SYNE2: variants seen among roughly 807,000 people sequenced by gnomAD.
SYNE2 encodes nesprin-2.
A neutral mutation model predicts 856.3 loss-of-function variants in SYNE2; 431 were observed. The ratio of observed to expected loss-of-function variants is 0.50; its 90% confidence interval spans 0.47 to 0.55. The LOEUF (loss-of-function observed/expected upper bound fraction) is 0.55, where lower values mean the gene tolerates loss of function less well. Among genes scored for constraint, SYNE2 ranks in the 20% least tolerant of loss-of-function variants. The pLI is 0.00. For missense variants in SYNE2, 8,129 were observed against 8,023.2 expected (o/e 1.01, Z -0.50); for synonymous variants, 2,923 against 2,872.3 (o/e 1.02, Z -0.56).
At chr14:63,961,323 C>G (rs1002792579) in intron 8 of SYNE2, among the ~76,000 whole-genome samples, 1 of 152,240 alleles carries the variant, frequency 6.6e-6, no homozygotes, top group African/African-American at 2.4e-5. Flanking sequence ...ACCCAGATCT[C>G]TCTGAGTATA....
intron 1 of SYNE2, among the ~76,000 whole-genome samples, chr14:63,853,539 T>C (rs1200661821): frequency 4.0e-5 from 6 of 151,552 alleles, no homozygotes; most frequent in African/African-American, 1.5e-4. Flanking sequence ...GCCCCGGCCC[T>C]CGGGGGCCGC....
rs118030414 is a variant in SYNE2, at chr14:64,171,774, G to A, written c.17235+1312G>A. On this transcript the variant is annotated intron_variant, in intron 94 of 115. Coordinates refer to ENST00000555002, the MANE Select transcript of SYNE2 (RefSeq NM_182914.3). Reference sequence around the variant, plus strand: ...GTTTTGCAGGTTGGGTGTGGCAGCTGGATTACCTGGTCTGGCTGGAACCAG... The same window carrying A: ...GTTTTGCAGGTTGGGTGTGGCAGCTAGATTACCTGGTCTGGCTGGAACCAG... Among the ~76,000 whole-genome samples the A allele has an allele frequency of 5.7e-3, 867 of 152,324 alleles. 2 individuals are homozygous for A. Among genetic ancestry groups the A allele is most frequent in the Non-Finnish European group, 9.1e-3 (617 of 68,024 alleles).
chr14:64,075,786 T>G, intron 53 of SYNE2, 159 bp from the exon 54 acceptor site: 1 of 691,882 alleles, frequency 1.4e-6, no homozygotes, highest in Non-Finnish European at 2.5e-6. Flanking sequence ...CTAAACTGAG[T>G]GTCTCTGGGG....
At chr14:64,136,745 ACC>A (rs1165406363) in intron 78 of SYNE2, among the ~76,000 whole-genome samples, 1 of 152,082 alleles carries the variant, frequency 6.6e-6, no homozygotes, top group Non-Finnish European at 1.5e-5. Flanking sequence ...TCAGTAGAAG[ACC>A]CTGGAAATGA....
intron 1 of SYNE2, among the ~76,000 whole-genome samples, chr14:63,873,057 T>C (rs1791283526): frequency 6.6e-6 from 1 of 152,236 alleles, no homozygotes; most frequent in African/African-American, 2.4e-5. Flanking sequence ...TCGTTTTGAT[T>C]TGTAGGTGTA....
rs567254378 is a variant in SYNE2, at chr14:64,029,314, C to T, written c.6715-581C>T. 2.0e-3 allele frequency among the ~76,000 whole-genome samples: 298 copies of T among 152,252 alleles called. 15 individuals are homozygous for T. The South Asian group carries it at 0.059, about 30-fold the overall frequency. ...GGGCAGGGGTTAAGATAGACCTGTT[C>T]TTCTGTAAATTGTTTAATTTAGTAG... On this transcript the variant is annotated intron_variant, in intron 43 of 115. Coordinates refer to ENST00000555002, the MANE Select transcript of SYNE2 (RefSeq NM_182914.3).
At chr14:63,856,848 T>C (rs1375411455) in intron 1 of SYNE2, among the ~76,000 whole-genome samples, 4 of 152,192 alleles carry the variant, frequency 2.6e-5, no homozygotes, top group Non-Finnish European at 5.9e-5. Flanking sequence ...CATGGCTCAC[T>C]GTAGCCTCTA....
At position 64,220,642 on chromosome 14, in the gene SYNE2, G is replaced by A. The variant is rs774599138; in HGVS notation, c.20061+5G>A. ...CAGTCGCTCATGCAGTGCCAGGTAC[G>A]CTGACTCAGCAGCCCGCCTCCCAGA... On this transcript the variant is annotated splice_donor_5th_base_variant and intron_variant, in intron 111 of 115. Coordinates refer to ENST00000555002, the MANE Select transcript of SYNE2 (RefSeq NM_182914.3). The A allele has an allele frequency of 1.3e-5, 21 of 1,613,210 alleles. 1 individual carries two copies. Among genetic ancestry groups the A allele is most frequent in the Admixed American group, 8.3e-5 (5 of 59,992 alleles).
intron 1 of SYNE2, among the ~76,000 whole-genome samples, chr14:63,887,550 C>T (rs887638069): frequency 3.9e-5 from 6 of 152,094 alleles, no homozygotes; most frequent in African/African-American, 1.4e-4. Flanking sequence ...CAACCCTCAC[C>T]CTGGCCTTAC....
At chr14:64,224,926 ATTTTT>A in intron 114 of SYNE2, 68 bp from the exon 115 acceptor site, 2 of 1,276,592 alleles carry the variant, frequency 1.6e-6, no homozygotes, top group Non-Finnish European at 1.1e-6. Context: ...TTAAGGGAGG[ATTTTT>A]TTTTTTTTTA....
intron 109 of SYNE2, 91 bp from the exon 110 acceptor site, chr14:64,219,117 T>G (rs2098681900): frequency 1.0e-6 from 1 of 975,786 alleles, no homozygotes; most frequent in East Asian, 3.3e-5. Flanking sequence ...TTTTTTTTTT[T>G]TTTTTTTAAC....
At chr14:64,055,867 A>T in intron 48 of SYNE2, 77 bp from the exon 49 acceptor site, 1 of 1,066,186 alleles carries the variant, frequency 9.4e-7, no homozygotes, top group Non-Finnish European at 1.4e-6. Flanking sequence ...TTATCTATGT[A>T]CCACGAAAAC....
chr14:64,055,903 T>C, intron 48 of SYNE2, 41 bp from the exon 49 acceptor site: 1 of 1,559,422 alleles, frequency 6.4e-7, no homozygotes, highest in African/African-American at 1.3e-5. Context: ...ATTCCAAAAG[T>C]TTGACAATTT....
rs376684112 is a variant in SYNE2, at chr14:64,087,725, G to T, written c.11539G>T (p.Asp3847Tyr). The change falls in exon 58 of 116, where the codon GAT (aspartate) becomes TAT (tyrosine). Residue 3847 changes from aspartate (D) to tyrosine (Y), a missense_variant. By Grantham distance (160) the Asp-to-Tyr change is radical. Coordinates refer to ENST00000555002, the MANE Select transcript of SYNE2 (RefSeq NM_182914.3). ...CAATCTTTTACATTCAATCTTTATGGATCTAGAAGACCTGTCAATAATTTT... is the reference window on the plus strand; with the variant it reads ...CAATCTTTTACATTCAATCTTTATGTATCTAGAAGACCTGTCAATAATTTT... ...KHNLLHSIFMDLEDLSIIFET... is the reference protein window; with the variant it reads ...KHNLLHSIFMYLEDLSIIFET... The T allele has an allele frequency of 6.2e-7, 1 of 1,614,030 alleles. No individual in the cohort carries two copies. The highest frequency in any genetic ancestry group is 1.7e-5 in the Admixed American group (1 of 59,992).
intron 29 of SYNE2, among the ~76,000 whole-genome samples, 194 bp from the exon 30 acceptor site, chr14:64,002,526 T>G (rs920655098): frequency 1.3e-5 from 2 of 152,244 alleles, no homozygotes; most frequent in Non-Finnish European, 2.9e-5. Context: ...GTTTTCTTTT[T>G]GGGATTGAAA....
chr14:64,122,542 A>C, intron 70 of SYNE2, 115 bp downstream of exon 70: 1 of 1,373,696 alleles, frequency 7.3e-7, no homozygotes, highest in Non-Finnish European at 1.0e-6. Context: ...TGAGTTTTTT[A>C]CTTGGCTGAT....
intron 49 of SYNE2, among the ~76,000 whole-genome samples, chr14:64,062,127 T>C (rs1357004964): frequency 2.0e-5 from 3 of 152,182 alleles, no homozygotes; most frequent in Non-Finnish European, 4.4e-5. Context: ...AATATCCAGC[T>C]TTATTTTAAA....
In SYNE2 at chr14:64,093,538, A is replaced by G. The variant is rs959368885; in HGVS notation, c.12108+58A>G. 56 of 1,602,186 alleles carry G rather than the reference A, an allele frequency of 3.5e-5. 1 individual carries two copies. Among genetic ancestry groups the G allele is most frequent in the Non-Finnish European group, 4.8e-5 (56 of 1,169,470 alleles). On this transcript the variant is annotated intron_variant, in intron 61 of 115. Transcript: ENST00000555002. ...ATTTGTCCATCAGTGCATTTATTTA[A>G]TACTTACTAAGCCTTTGGTGTCTAG...
intron 1 of SYNE2, among the ~76,000 whole-genome samples, chr14:63,908,116 A>G (rs1258229937): frequency 6.6e-6 from 1 of 152,174 alleles, no homozygotes; most frequent in Non-Finnish European, 1.5e-5. Flanking sequence ...GACCGTATCT[A>G]GCTGTTGGCC....
Sources: gnomAD v4.1 joint callset for allele counts (sites outside exome capture counted in the v4.1 genomes callset) on GRCh38, gnomAD v4.1.1 for gene constraint, MANE v1.5 for transcripts, NCBI Gene and HGNC (gene_info 2026-07-23, HGNC 2026-07-21) for gene names.